PLGRKT: variants seen among roughly 807,000 people sequenced by gnomAD.
The protein encoded by PLGRKT is plasminogen receptor (KT).
Under a neutral mutation model 18.5 loss-of-function variants are expected in PLGRKT, and 22 were observed. The observed-to-expected ratio is 1.19, with a 90% CI of 0.85 to 1.70. PLGRKT has a LOEUF of 1.70. PLGRKT is among the 40% of genes most tolerant of loss of function. PLGRKT has a pLI of 0.00. For synonymous variants in PLGRKT, 72 were observed against 52.8 expected (o/e 1.36, Z -1.58); for missense variants, 235 against 174.4 (o/e 1.35, Z -1.96).
intron 3 of PLGRKT, among the ~76,000 whole-genome samples, chr9:5,411,861 A>G (rs551894849): frequency 6.6e-6 from 1 of 152,252 alleles, no homozygotes; most frequent in African/African-American, 2.4e-5. Context: ...ATTCTTGAAT[A>G]AAATGACTCA....
intron 3 of PLGRKT, among the ~76,000 whole-genome samples, chr9:5,363,799 C>T (rs553110779): frequency 7.6e-4 from 115 of 152,176 alleles, no homozygotes; most frequent in Non-Finnish European, 1.5e-3. Flanking sequence ...TATTTTCTCC[C>T]AAAGAACCGA....
At chr9:5,359,089 G>A (rs1422187706) in intron 5 of PLGRKT, among the ~76,000 whole-genome samples, 2 of 147,322 alleles carry the variant, frequency 1.4e-5, no homozygotes, top group Admixed American at 6.8e-5. Flanking sequence ...TTGAGACAGT[G>A]TCTAGCTCTG....
intron 3 of PLGRKT, among the ~76,000 whole-genome samples, chr9:5,408,340 A>G (rs563680518): frequency 6.6e-6 from 1 of 152,342 alleles, no homozygotes; most frequent in Admixed American, 6.5e-5. Flanking sequence ...ACCTATGGGA[A>G]GCGGAGCAGT....
chr9:5,412,752 A>C (rs1176109383), intron 3 of PLGRKT, among the ~76,000 whole-genome samples: 1 of 152,244 alleles, frequency 6.6e-6, no homozygotes, highest in African/African-American at 2.4e-5. Context: ...AGAGTAAATA[A>C]AATATTGGTA....
At chr9:5,417,823 C>T (rs1310490161) in intron 3 of PLGRKT, among the ~76,000 whole-genome samples, 3 of 152,058 alleles carry the variant, frequency 2.0e-5, no homozygotes, top group Admixed American at 2.0e-4. Flanking sequence ...AACGACTGTC[C>T]ATTTTGACTT....
chr9:5,376,972 C>G (rs1482306689), intron 3 of PLGRKT, among the ~76,000 whole-genome samples: 1 of 152,104 alleles, frequency 6.6e-6, no homozygotes, highest in Non-Finnish European at 1.5e-5. Context: ...ATTAACTATT[C>G]AAAAATTTAT....
At chr9:5,368,893 T>A (rs1586702761) in intron 3 of PLGRKT, among the ~76,000 whole-genome samples, 1 of 152,310 alleles carries the variant, frequency 6.6e-6, no homozygotes, top group South Asian at 2.1e-4. Context: ...TTGGGAAAAC[T>A]GGCTAGCCAT....
chr9:5,417,756 G>A (rs1306024446), intron 3 of PLGRKT, among the ~76,000 whole-genome samples: 1 of 149,970 alleles, frequency 6.7e-6, no homozygotes, highest in African/African-American at 2.5e-5. Flanking sequence ...GAAAATGAAG[G>A]TTCACAACAA....
At chr9:5,436,088 C>T (rs1000807355) in intron 2 of PLGRKT, among the ~76,000 whole-genome samples, 3 of 152,214 alleles carry the variant, frequency 2.0e-5, no homozygotes, top group Non-Finnish European at 4.4e-5. Flanking sequence ...CTGTGCCACT[C>T]GAGCACCCTG....
In PLGRKT at chr9:5,358,029, A is replaced by G; in HGVS notation, c.*210T>C. 4.8e-6 allele frequency: 2 copies of G among 417,770 alleles called. No individual in the cohort carries two copies. Among genetic ancestry groups the G allele is most frequent in the Non-Finnish European group, 8.5e-6 (2 of 235,624 alleles). 25.9% of individuals were successfully genotyped at this position (417,770 alleles called of 1,614,324 possible). On this transcript the variant is annotated 3_prime_UTR_variant, in exon 6 of 6. Transcript: ENST00000223864. ...ACTTAGATATTGGTAATGCACACAG[A>G]GAGAGGAAATCTAAAAGTTATTTAG...
At chr9:5,372,645 CT>C (rs961751406) in intron 3 of PLGRKT, among the ~76,000 whole-genome samples, 26 of 152,340 alleles carry the variant, frequency 1.7e-4, no homozygotes, top group African/African-American at 6.3e-4. Context: ...AATGTCACCT[CT>C]GCTACTGTGC....
Position 5,361,067 on chromosome 9 carries a change from C to G in PLGRKT, c.322+11G>C. 4 of 1,333,634 alleles carry G rather than the reference C, an allele frequency of 3.0e-6. No individual in the cohort carries two copies. Among genetic ancestry groups the G allele is most frequent in the Non-Finnish European group, 4.3e-6 (4 of 936,540 alleles). 82.6% of individuals were successfully genotyped at this position (1,333,634 alleles called of 1,614,324 possible). Reference sequence around the variant, plus strand: ...TCAGCAAATAGAAACTCTAGTTTACCAAAGACTTACCTTTCATTCTTTCTA... The same window carrying G: ...TCAGCAAATAGAAACTCTAGTTTACGAAAGACTTACCTTTCATTCTTTCTA... On this transcript the variant is annotated intron_variant, in intron 5 of 5. Transcript: ENST00000223864.
At chr9:5,360,022 T>C (rs1259749791) in intron 5 of PLGRKT, among the ~76,000 whole-genome samples, 2 of 152,238 alleles carry the variant, frequency 1.3e-5, no homozygotes, top group Non-Finnish European at 2.9e-5. Context: ...CCAGCCTATG[T>C]TGCAGCTGAT....
chr9:5,385,954 G>T (rs1331519054), intron 3 of PLGRKT, among the ~76,000 whole-genome samples: 1 of 151,632 alleles, frequency 6.6e-6, no homozygotes, highest in African/African-American at 2.4e-5. Context: ...AATAAATGTT[G>T]GTTCTTTATA....
chr9:5,375,652 T>C (rs1161431510), intron 3 of PLGRKT, among the ~76,000 whole-genome samples: 8 of 152,194 alleles, frequency 5.3e-5, no homozygotes, highest in Non-Finnish European at 1.0e-4. Context: ...AGAGGATGAC[T>C]ATTATCCAAA....
At chr9:5,388,538 G>C (rs1048930886) in intron 3 of PLGRKT, among the ~76,000 whole-genome samples, 2 of 151,848 alleles carry the variant, frequency 1.3e-5, no homozygotes, top group African/African-American at 4.9e-5. Context: ...TCACAAACTG[G>C]CCTACTCTTT....
intron 3 of PLGRKT, among the ~76,000 whole-genome samples, chr9:5,362,946 C>A (rs1229955371): frequency 6.6e-5 from 10 of 152,110 alleles, no homozygotes; most frequent in Admixed American, 6.5e-4. Context: ...GAAATGGTTT[C>A]AGGGCAGACC....
intron 2 of PLGRKT, among the ~76,000 whole-genome samples, 177 bp from the exon 3 acceptor site, chr9:5,432,160 T>C (rs983645726): frequency 2.0e-5 from 3 of 152,206 alleles, no homozygotes; most frequent in Admixed American, 2.0e-4. Flanking sequence ...ACCTCAGGCA[T>C]ACTTAACGAG....
intron 3 of PLGRKT, among the ~76,000 whole-genome samples, chr9:5,377,052 A>C (rs1817642432): frequency 6.6e-6 from 1 of 152,190 alleles, no homozygotes; most frequent in Non-Finnish European, 1.5e-5. Flanking sequence ...GCTGCCTGGG[A>C]AGTTAGAGAT....
Sources: allele counts gnomAD v4.1 joint callset (sites outside exome capture counted in the v4.1 genomes callset), GRCh38; gene constraint gnomAD v4.1.1; transcripts MANE v1.5; gene names NCBI Gene and HGNC (gene_info 2026-07-23, HGNC 2026-07-21).